Variants in UST observed in about 807,000 individuals in gnomAD.
UST encodes chondroitin sulfate 2-O-sulfotransferase.
UST carries 21 observed loss-of-function variants against 45.6 expected under a neutral mutation model. The observed-to-expected ratio is 0.46, with a 90% CI of 0.33 to 0.66. The LOEUF (loss-of-function observed/expected upper bound fraction) is 0.66, where lower values mean the gene tolerates loss of function less well. Among genes scored for constraint, UST ranks in the 30% least tolerant of loss-of-function variants. The pLI, the probability that UST is intolerant of heterozygous loss-of-function variation, is 0.02. For synonymous variants in UST, 215 were observed against 200.6 expected, an observed-to-expected ratio of 1.07 and a Z score of -0.61; for missense variants, 463 against 512.4, an observed-to-expected ratio of 0.90 and a Z score of 0.93.
At chr6:148,929,246 G>T (rs1002408653) in intron 2 of UST, among the ~76,000 whole-genome samples, 1 of 152,204 alleles carries the variant, frequency 6.6e-6, no homozygotes, top group African/African-American at 2.4e-5. Context: ...ACCCTAAGAG[G>T]AAGGCAGTTC....
chr6:148,955,090 C>A (rs1890609), intron 4 of UST, among the ~76,000 whole-genome samples: 91,552 of 152,138 alleles, frequency 0.6, 27,737 homozygotes, highest in African/African-American at 0.67. Context: ...CTTGTCAGCC[C>A]TCTGACGGGC....
intron 5 of UST, among the ~76,000 whole-genome samples, chr6:148,975,085 T>C (rs1780990759): frequency 6.6e-6 from 1 of 152,222 alleles, no homozygotes; most frequent in Admixed American, 6.5e-5. Flanking sequence ...CTATGTCTTA[T>C]CACTATTAAT....
At chr6:148,925,520 G>A (rs1779797326) in intron 2 of UST, among the ~76,000 whole-genome samples, 1 of 152,160 alleles carries the variant, frequency 6.6e-6, no homozygotes, top group Non-Finnish European at 1.5e-5. Flanking sequence ...CAATGTGTAG[G>A]TTGTTTGCAA....
intron 5 of UST, 103 bp from the exon 6 acceptor site, chr6:149,019,036 C>A: frequency 1.1e-6 from 1 of 898,752 alleles, no homozygotes. Context: ...CTTCTCAAGG[C>A]GTGCCTGTGT....
chr6:148,874,854 C>A (rs558377669), intron 1 of UST, among the ~76,000 whole-genome samples: 2 of 152,240 alleles, frequency 1.3e-5, no homozygotes, highest in South Asian at 2.1e-4. Context: ...CATGGTTTAA[C>A]GGTGGAAAGT....
chr6:148,789,002 T>C (rs1056596990), intron 1 of UST, among the ~76,000 whole-genome samples: 2 of 152,232 alleles, frequency 1.3e-5, no homozygotes, highest in African/African-American at 4.8e-5. Flanking sequence ...TAGCTACCTA[T>C]GCCTGCCCGT....
At chr6:148,874,443 A>C (rs72986622) in intron 1 of UST, among the ~76,000 whole-genome samples, 35 of 152,316 alleles carry the variant, frequency 2.3e-4, no homozygotes, top group Non-Finnish European at 4.1e-4. Context: ...TTAGAAATGG[A>C]ATGACTTTCT....
intron 7 of UST, among the ~76,000 whole-genome samples, chr6:149,037,588 G>A (rs750679337): frequency 6.6e-5 from 10 of 152,198 alleles, no homozygotes; most frequent in Non-Finnish European, 1.2e-4. Context: ...TGTGTTCAGT[G>A]GGGCCCCTGT....
At chr6:148,872,061 A>C (rs543776024) in intron 1 of UST, among the ~76,000 whole-genome samples, 1 of 152,176 alleles carries the variant, frequency 6.6e-6, no homozygotes, top group South Asian at 2.1e-4. Flanking sequence ...GTGTGTGTGC[A>C]TGCACGTGCA....
At chr6:148,768,588 T>C (rs1776362542) in intron 1 of UST, among the ~76,000 whole-genome samples, 1 of 152,256 alleles carries the variant, frequency 6.6e-6, no homozygotes, top group South Asian at 2.1e-4. Context: ...TTTCACTTTT[T>C]CATTTACTTT....
intron 6 of UST, among the ~76,000 whole-genome samples, chr6:149,019,695 C>T (rs117733146): frequency 3.9e-4 from 59 of 152,344 alleles, no homozygotes; most frequent in Middle Eastern, 3.4e-3. Context: ...GCCCACACCT[C>T]AATCCCATAG....
chr6:149,017,207 C>G (rs1775913297), intron 5 of UST, among the ~76,000 whole-genome samples: 1 of 152,106 alleles, frequency 6.6e-6, no homozygotes, highest in Admixed American at 6.5e-5. Context: ...GAAACCCCAT[C>G]TCTACTAAAA....
intron 2 of UST, among the ~76,000 whole-genome samples, chr6:148,892,041 G>A (rs35748463): frequency 0.21 from 32,122 of 152,050 alleles, 4,143 homozygotes; most frequent in African/African-American, 0.35. Context: ...ATTATTTGAG[G>A]GAATCCTTCC....
chr6:148,819,188 A>T (rs1777410482), intron 1 of UST, among the ~76,000 whole-genome samples: 1 of 152,222 alleles, frequency 6.6e-6, no homozygotes, highest in Non-Finnish European at 1.5e-5. Context: ...TCAGCCTGAA[A>T]AATAGTCTGA....
At chr6:149,055,363 T>A (rs1776547417) in intron 7 of UST, among the ~76,000 whole-genome samples, 1 of 152,244 alleles carries the variant, frequency 6.6e-6, no homozygotes. Context: ...GTTAAGTTGT[T>A]GTTTTTAGAA....
chr6:148,893,905 C>T (rs1779069424), intron 2 of UST, among the ~76,000 whole-genome samples: 1 of 152,106 alleles, frequency 6.6e-6, no homozygotes, highest in South Asian at 2.1e-4. Context: ...CTAATCCGAG[C>T]ACTTTTGGAG....
At chr6:148,983,895 C>T (rs1432376800) in intron 5 of UST, among the ~76,000 whole-genome samples, 1 of 152,210 alleles carries the variant, frequency 6.6e-6, no homozygotes, top group Non-Finnish European at 1.5e-5. Context: ...CCACCACCCC[C>T]ACATCACACA....
At chr6:148,991,810 T>TAA (rs1293064879) in intron 5 of UST, among the ~76,000 whole-genome samples, 1 of 152,196 alleles carries the variant, frequency 6.6e-6, no homozygotes, top group African/African-American at 2.4e-5. Flanking sequence ...GTTTATTATA[T>TAA]ACATTTAAGC....
chr6:148,841,838 C>T (rs568098350), intron 1 of UST, among the ~76,000 whole-genome samples: 1 of 152,180 alleles, frequency 6.6e-6, no homozygotes, highest in Non-Finnish European at 1.5e-5. Flanking sequence ...GGTGCAATGG[C>T]CCAGACCCAT....
Sources: gnomAD v4.1 joint callset for allele counts (sites outside exome capture counted in the v4.1 genomes callset) on GRCh38, gnomAD v4.1.1 for gene constraint, MANE v1.5 for transcripts, NCBI Gene and HGNC (gene_info 2026-07-23, HGNC 2026-07-21) for gene names.